The following TESK2 variants were observed in gnomAD, a reference collection of about 807,000 sequenced individuals.
The protein encoded by TESK2 is dual specificity testis-specific protein kinase 2.
A neutral mutation model predicts 57.1 loss-of-function variants in TESK2; 39 were observed. That is an observed-to-expected ratio of 0.68 (90% CI 0.53 to 0.89). The LOEUF (loss-of-function observed/expected upper bound fraction) is 0.89. TESK2 is among the 40% of genes least tolerant of loss of function. The probability of loss-of-function intolerance (pLI) is 0.00; values close to 1 mark genes in which losing one functional copy is unlikely to be tolerated. For missense variants in TESK2, 646 were observed against 732.1 expected (o/e 0.88, Z 1.36); for synonymous variants, 249 against 267.9 (o/e 0.93, Z 0.69).
intron 3 of TESK2, among the ~76,000 whole-genome samples, chr1:45,407,246 GGTTTTTTTTT>G (rs2149282294): frequency 4.9e-5 from 1 of 20,330 alleles, no homozygotes; most frequent in Non-Finnish European, 4.4e-3. Context: ...CCCCACAATG[GGTTTTTTTTT>G]GTTTTTTTAA....
chr1:45,360,675 T>G (rs1229184467), intron 4 of TESK2, among the ~76,000 whole-genome samples: 4 of 152,204 alleles, frequency 2.6e-5, no homozygotes, highest in Non-Finnish European at 5.9e-5. Flanking sequence ...TGGAATTTGC[T>G]TTTACAACCC....
chr1:45,473,654 TAAC>T (rs1652860793), intron 1 of TESK2, among the ~76,000 whole-genome samples: 1 of 152,152 alleles, frequency 6.6e-6, no homozygotes, highest in South Asian at 2.1e-4. Context: ...TCCAATGACA[TAAC>T]AAAAAGCAAA....
rs1364772416 is a variant in TESK2 at position 45,344,462 on chromosome 1, T to C, written c.*378A>G. 4.6e-6 allele frequency: 1 copy of C among 218,574 alleles called. No homozygotes were observed. Among genetic ancestry groups the C allele is most frequent in the Non-Finnish European group, 9.2e-6 (1 of 109,140 alleles). 13.5% of individuals were successfully genotyped at this position (218,574 alleles called of 1,614,324 possible). ...GCTCCATGTTCCACTCAGTAGCTTATATGCCCCAAGAAAAGGCAAGAGACA... is the reference window on the plus strand; with the variant it reads ...GCTCCATGTTCCACTCAGTAGCTTACATGCCCCAAGAAAAGGCAAGAGACA... On this transcript the variant is annotated 3_prime_UTR_variant, in exon 11 of 11. Transcript: ENST00000372086.
intron 2 of TESK2, among the ~76,000 whole-genome samples, chr1:45,447,290 A>G (rs1279328728): frequency 1.3e-5 from 2 of 151,990 alleles, no homozygotes; most frequent in African/African-American, 4.8e-5. Context: ...ACACAAACAC[A>G]TTTACCAAGC....
At chr1:45,445,742 C>T (rs1316556692) in intron 2 of TESK2, among the ~76,000 whole-genome samples, 5 of 151,960 alleles carry the variant, frequency 3.3e-5, no homozygotes, top group Non-Finnish European at 5.9e-5. Flanking sequence ...CCACACTAAG[C>T]CATGATCACA....
chr1:45,423,126 C>T (rs1007517443), intron 2 of TESK2, among the ~76,000 whole-genome samples: 2 of 152,124 alleles, frequency 1.3e-5, no homozygotes, highest in Non-Finnish European at 2.9e-5. Context: ...AGTCTTAAGA[C>T]ACCAACAGAA....
Position 45,345,081 on chromosome 1 carries a change from C to G in TESK2, c.1475G>C (p.Arg492Thr), listed in dbSNP as rs373927435. 6 of 1,614,084 alleles carry G rather than the reference C, an allele frequency of 3.7e-6. No homozygotes were observed. Among genetic ancestry groups the G allele is most frequent in the South Asian group, 1.1e-5 (1 of 91,088 alleles). Residue 492 changes from arginine to threonine, a missense_variant, in exon 11 of 11, where the codon AGA becomes ACA. By Grantham distance (71) the Arg-to-Thr change is moderately conservative. Coordinates refer to ENST00000372086, the MANE Select transcript of TESK2 (RefSeq NM_007170.3). ...CCGGAATGGTGGGATCTCTTTAACTCTGTACTTGAGACTACTTAGGCGTGG... is the reference window on the plus strand; with the variant it reads ...CCGGAATGGTGGGATCTCTTTAACTGTGTACTTGAGACTACTTAGGCGTGG... ...PPPRLSSLKYRVKEIPPFRAS... is the reference protein window; with the variant it reads ...PPPRLSSLKYTVKEIPPFRAS...
intron 3 of TESK2, among the ~76,000 whole-genome samples, chr1:45,396,401 T>C (rs1649359690): frequency 6.6e-6 from 1 of 151,998 alleles, no homozygotes; most frequent in Non-Finnish European, 1.5e-5. Context: ...CAGCCTTCAC[T>C]GGGTAAATTT....
At chr1:45,405,452 ATGCCTCCTTCCCTTG>A (rs1039168506) in intron 3 of TESK2, among the ~76,000 whole-genome samples, 1 of 151,988 alleles carries the variant, frequency 6.6e-6, no homozygotes, top group Non-Finnish European at 1.5e-5. Context: ...GGCATCCTTT[ATGCCTCCTTCCCTTG>A]TGCTAATATC....
rs375462928 is a variant in TESK2, at chr1:45,350,019, G to A, written c.541-2019C>T. On this transcript the variant is annotated intron_variant, in intron 5 of 10. Transcript: ENST00000372086. ...TAGCCAGGTGCAGTGGCAGGCACCTGTAATCCCAGCTACTCAGGAGGCTGA... is the reference window on the plus strand; with the variant it reads ...TAGCCAGGTGCAGTGGCAGGCACCTATAATCCCAGCTACTCAGGAGGCTGA... 2.0e-4 allele frequency among the ~76,000 whole-genome samples: 30 copies of A among 152,274 alleles called. No homozygotes were observed. The East Asian group carries it at 5.8e-3, about 29-fold the overall frequency.
At chr1:45,380,656 A>G (rs889527195) in intron 4 of TESK2, among the ~76,000 whole-genome samples, 1 of 152,204 alleles carries the variant, frequency 6.6e-6, no homozygotes, top group Admixed American at 6.5e-5. Flanking sequence ...GAGCAAAGAG[A>G]AAGAATAAGG....
chr1:45,448,725 A>G (rs1174277743), intron 2 of TESK2, among the ~76,000 whole-genome samples: 1 of 152,186 alleles, frequency 6.6e-6, no homozygotes, highest in Admixed American at 6.5e-5. Flanking sequence ...ACTAGGCCCC[A>G]CCTTCAACAT....
chr1:45,390,481 T>C (rs971232058), intron 3 of TESK2, among the ~76,000 whole-genome samples: 2 of 151,436 alleles, frequency 1.3e-5, no homozygotes, highest in Admixed American at 1.3e-4. Context: ...AAAATAGAAA[T>C]CTTCCCTTGC....
intron 1 of TESK2, among the ~76,000 whole-genome samples, chr1:45,467,563 C>G (rs970436625): frequency 2.0e-5 from 3 of 151,686 alleles, no homozygotes; most frequent in African/African-American, 7.3e-5. Context: ...AACTCCTGAC[C>G]TCATGATCCG....
At chr1:45,384,614 T>TA in intron 4 of TESK2, among the ~76,000 whole-genome samples, 1 of 133,930 alleles carries the variant, frequency 7.5e-6, no homozygotes, top group African/African-American at 2.9e-5. Flanking sequence ...TTTTTTTTTT[T>TA]TTTTTTTTTT....
intron 4 of TESK2, among the ~76,000 whole-genome samples, chr1:45,382,700 G>A (rs1384627119): frequency 2.6e-5 from 4 of 151,940 alleles, no homozygotes; most frequent in Admixed American, 1.3e-4. Flanking sequence ...GAGAAACCCC[G>A]TCTCTACTAA....
chr1:45,408,805 G>A (rs1649938873), intron 3 of TESK2, among the ~76,000 whole-genome samples: 1 of 152,104 alleles, frequency 6.6e-6, no homozygotes, highest in Non-Finnish European at 1.5e-5. Flanking sequence ...ATTCCAGTAT[G>A]CAGACTATCC....
chr1:45,455,460 A>G (rs1652052003), intron 2 of TESK2, among the ~76,000 whole-genome samples: 1 of 152,150 alleles, frequency 6.6e-6, no homozygotes, highest in Admixed American at 6.5e-5. Context: ...CTCTTACGGG[A>G]GATGAATTTG....
intron 1 of TESK2, among the ~76,000 whole-genome samples, chr1:45,485,528 T>A (rs1310288815): frequency 4.0e-5 from 6 of 148,382 alleles, no homozygotes; most frequent in Non-Finnish European, 6.0e-5. Context: ...ATTTTATTTT[T>A]TTTTTTTTGA....
Sources: allele counts gnomAD v4.1 joint callset (sites outside exome capture counted in the v4.1 genomes callset), GRCh38; gene constraint gnomAD v4.1.1; transcripts MANE v1.5; gene names NCBI Gene and HGNC (gene_info 2026-07-23, HGNC 2026-07-21).